ANKRD22: variants seen among roughly 807,000 people sequenced by gnomAD.
ANKRD22 encodes the protein ankyrin repeat domain 22, also known as ankyrin repeat domain-containing protein 22.
ANKRD22 carries 24 observed loss-of-function variants against 25.7 expected under a neutral mutation model. That is an observed-to-expected ratio of 0.93 (90% CI 0.68 to 1.31). The LOEUF is 1.31. Among genes scored for constraint, ANKRD22 ranks in the 50% most tolerant of loss-of-function variants. The pLI, the probability that ANKRD22 is intolerant of heterozygous loss-of-function variation, is 0.00. For synonymous variants in ANKRD22, 84 were observed against 84.3 expected (o/e 1.00, Z 0.02); for missense variants, 214 against 227.1 (o/e 0.94, Z 0.37).
chr10:88,832,052 T>C (rs1235730764), intron 1 of ANKRD22, 26 bp from the exon 2 acceptor site: 1 of 1,573,400 alleles, frequency 6.4e-7, no homozygotes, highest in Non-Finnish European at 8.6e-7. Flanking sequence ...CAAAAGCAGG[T>C]TTTGAAATAC....
rs966885605 is a variant in ANKRD22, at chr10:88,820,982, C to T, written c.*1959G>A. 3.3e-5 allele frequency among the ~76,000 whole-genome samples: 5 copies of T among 152,128 alleles called. No homozygotes were observed. Among genetic ancestry groups the T allele is most frequent in the Non-Finnish European group, 7.4e-5 (5 of 68,022 alleles). On this transcript the variant is annotated 3_prime_UTR_variant, in exon 6 of 6. Coordinates refer to ENST00000371930, the MANE Select transcript of ANKRD22 (RefSeq NM_144590.3). ...TGAGCTGCTTTAAGGACAACAACAA[C>T]AAAATCAGTGTTACAGTATGGATGA...
intron 1 of ANKRD22, among the ~76,000 whole-genome samples, chr10:88,842,212 T>C (rs1187929360): frequency 2.6e-5 from 4 of 152,154 alleles, no homozygotes; most frequent in Non-Finnish European, 5.9e-5. Context: ...CTGAACTCTT[T>C]TTATATACCA....
At chr10:88,847,653 G>T (rs998562249) in intron 1 of ANKRD22, among the ~76,000 whole-genome samples, 4 of 123,148 alleles carry the variant, frequency 3.2e-5, no homozygotes, top group Non-Finnish European at 6.7e-5. Context: ...ATACATAAAT[G>T]CTTCCTTTTT....
At chr10:88,842,500 T>C (rs1844011589) in intron 1 of ANKRD22, among the ~76,000 whole-genome samples, 1 of 152,128 alleles carries the variant, frequency 6.6e-6, no homozygotes, top group African/African-American at 2.4e-5. Flanking sequence ...TTGATTATTT[T>C]CTTCAATTCA....
At chr10:88,827,091 C>T (rs1369896377) in intron 3 of ANKRD22, among the ~76,000 whole-genome samples, 1 of 152,206 alleles carries the variant, frequency 6.6e-6, no homozygotes, top group East Asian at 1.9e-4. Flanking sequence ...CAAAGCTCTC[C>T]CTGCTCAGCT....
At chr10:88,834,208 C>T (rs1333783921) in intron 1 of ANKRD22, among the ~76,000 whole-genome samples, 1 of 152,172 alleles carries the variant, frequency 6.6e-6, no homozygotes, top group African/African-American at 2.4e-5. Context: ...CTAAATGCAA[C>T]AAGACAGTGT....
intron 2 of ANKRD22, among the ~76,000 whole-genome samples, chr10:88,829,111 G>A (rs11202867): frequency 0.054 from 8,220 of 152,172 alleles, 457 homozygotes; most frequent in African/African-American, 0.14. Flanking sequence ...TCCTTCATGT[G>A]CATAGTCTAG....
chr10:88,829,396 C>G (rs1429281813), intron 2 of ANKRD22, among the ~76,000 whole-genome samples: 1 of 152,080 alleles, frequency 6.6e-6, no homozygotes, highest in African/African-American at 2.4e-5. Context: ...TTTTGTTTTT[C>G]TAATATGAAG....
Position 88,831,883 on chromosome 10 carries a change from G to A in ANKRD22, c.165C>T (p.Ile55=), listed in dbSNP as rs542726939. ...ICACRRGHVR[I]VSFLLRRNAN... The stretch of plus-strand genomic sequence containing the variant: ...CATTTCTTCTTAAAAGGAAGGAAAC[G>A]ATTCTCACATGCCCTCGCCTGCAAG... Residue 55 remains isoleucine (I), a synonymous_variant, in exon 2 of 6, where the codon ATC becomes ATT. Coordinates refer to ENST00000371930, the MANE Select transcript of ANKRD22 (RefSeq NM_144590.3). 2.3e-5 allele frequency: 37 copies of A among 1,611,844 alleles called. No individual in the cohort carries two copies. The highest frequency in any genetic ancestry group is 1.5e-4 in the South Asian group (14 of 90,680).
chr10:88,831,579 A>G (rs2133073499), intron 2 of ANKRD22, among the ~76,000 whole-genome samples: 2 of 152,334 alleles, frequency 1.3e-5, no homozygotes, highest in African/African-American at 4.8e-5. Context: ...AGCTCTATCC[A>G]GCCAAATAAG....
Position 88,851,832 on chromosome 10 carries a change from TG to T in ANKRD22, c.-226del. 3.6e-6 allele frequency: 2 copies of T among 559,672 alleles called. No homozygotes were observed. Among genetic ancestry groups the T allele is most frequent in the Non-Finnish European group, 3.2e-6 (1 of 310,004 alleles). 34.7% of individuals were successfully genotyped at this position (559,672 alleles called of 1,614,324 possible). The stretch of plus-strand genomic sequence containing the variant: ...GCCCAGCCCAATGAAACAAAGGCAC[TG>T]GTGTCATGTGTAACGACCCAAGCCT... On this transcript the variant is annotated 5_prime_UTR_variant, in exon 1 of 6. The change abolishes the stop of an existing upstream ORF in the 5' untranslated region. Coordinates refer to ENST00000371930, the MANE Select transcript of ANKRD22 (RefSeq NM_144590.3).
chr10:88,828,523 C>A, intron 3 of ANKRD22, 36 bp downstream of exon 3: 1 of 1,454,712 alleles, frequency 6.9e-7, no homozygotes, highest in Non-Finnish European at 9.6e-7. Context: ...CATCGATCTC[C>A]ACATTTGCCC....
intron 4 of ANKRD22, among the ~76,000 whole-genome samples, chr10:88,825,401 T>A (rs1369691381): frequency 2.0e-5 from 3 of 152,244 alleles, no homozygotes; most frequent in Non-Finnish European, 4.4e-5. Context: ...CAGGAAGAAG[T>A]GAGCGGATGC....
chr10:88,830,525 A>G (rs1843893919), intron 2 of ANKRD22, among the ~76,000 whole-genome samples: 1 of 152,242 alleles, frequency 6.6e-6, no homozygotes, highest in African/African-American at 2.4e-5. Flanking sequence ...TAATGTACAA[A>G]TATTAATATT....
At chr10:88,825,014 C>CACACACAG (rs935655566) in intron 4 of ANKRD22, among the ~76,000 whole-genome samples, 3 of 81,080 alleles carry the variant, frequency 3.7e-5, no homozygotes, top group African/African-American at 8.9e-5. Flanking sequence ...CTCTCTCTCA[C>CACACACAG]ACACACACAC....
At chr10:88,823,103 G>T in intron 5 of ANKRD22, 85 bp from the exon 6 acceptor site, 1 of 1,403,982 alleles carries the variant, frequency 7.1e-7, no homozygotes, top group Non-Finnish European at 1.0e-6. Flanking sequence ...CTCTGTGTTG[G>T]CAAGGGCTTT....
intron 4 of ANKRD22, among the ~76,000 whole-genome samples, chr10:88,824,711 CTCTA>C (rs35318028): frequency 0.057 from 8,604 of 152,164 alleles, 330 homozygotes; most frequent in South Asian, 0.082. Context: ...AATGCAATAT[CTCTA>C]TCTAGAGAGA....
intron 1 of ANKRD22, among the ~76,000 whole-genome samples, chr10:88,835,994 C>T (rs1843950779): frequency 6.6e-6 from 1 of 152,172 alleles, no homozygotes. Context: ...AGAAGAAACA[C>T]ACTTGGGAAA....
At position 88,821,880 on chromosome 10, in the gene ANKRD22, C is replaced by T. The variant is rs1196405056; in HGVS notation, c.*1061G>A. On this transcript the variant is annotated 3_prime_UTR_variant, in exon 6 of 6. Coordinates refer to ENST00000371930, the MANE Select transcript of ANKRD22 (RefSeq NM_144590.3). ...TGTGTCATTCACAGAAGAAGTGAGACAGATATTTTGATATTCGCAATCTCT... is the reference window on the plus strand; with the variant it reads ...TGTGTCATTCACAGAAGAAGTGAGATAGATATTTTGATATTCGCAATCTCT... Among the ~76,000 whole-genome samples the T allele has an allele frequency of 6.6e-6, 1 of 152,172 alleles. No individual in the cohort carries two copies. Among genetic ancestry groups the T allele is most frequent in the African/African-American group, 2.4e-5 (1 of 41,436 alleles).
Sources: allele counts gnomAD v4.1 joint callset (sites outside exome capture counted in the v4.1 genomes callset), GRCh38; gene constraint gnomAD v4.1.1; transcripts MANE v1.5; gene names NCBI Gene and HGNC (gene_info 2026-07-23, HGNC 2026-07-21).